CHD1L: variants seen among roughly 807,000 people sequenced by gnomAD.
The protein encoded by CHD1L is chromodomain helicase DNA binding protein 1 like.
A neutral mutation model predicts 115.9 loss-of-function variants in CHD1L; 118 were observed. That is an observed-to-expected ratio of 1.02 (90% CI 0.88 to 1.19). The LOEUF (loss-of-function observed/expected upper bound fraction) is 1.19, where lower values mean the gene tolerates loss of function less well. Ranked by LOEUF, CHD1L falls within the 50% of genes most tolerant of loss-of-function variation. CHD1L has a pLI of 0.00. For missense variants in CHD1L, 1,179 were observed against 1,065.3 expected, an observed-to-expected ratio of 1.11 and a Z score of -1.49; for synonymous variants, 411 against 387.1, an observed-to-expected ratio of 1.06 and a Z score of -0.72.
At chr1:147,179,507 G>T in the CHD1L span, 1 of 1,579,430 alleles carries the variant, frequency 6.3e-7, no homozygotes, top group African/African-American at 1.3e-5. Flanking sequence ...TAAATCCAAA[G>T]AAATATGAAG....
chr1:147,252,518 G>A, intron 1 of CHD1L, 105 bp from the exon 2 acceptor site: 1 of 822,382 alleles, frequency 1.2e-6, no homozygotes, highest in Non-Finnish European at 2.0e-6. Context: ...TGAGGTTTAG[G>A]GTTATGTGAA....
the CHD1L span, among the ~76,000 whole-genome samples, chr1:147,231,169 C>T: frequency 6.6e-6 from 1 of 152,162 alleles, no homozygotes; most frequent in African/African-American, 2.4e-5. Flanking sequence ...CCTCTACACA[C>T]TGCTTTCAGT....
At chr1:147,289,277 C>T (rs1057304158) in intron 19 of CHD1L, among the ~76,000 whole-genome samples, 3 of 151,924 alleles carry the variant, frequency 2.0e-5, no homozygotes, top group Non-Finnish European at 2.9e-5. Flanking sequence ...GAGAACAGAC[C>T]TGGAAAACAC....
intron 8 of CHD1L, 114 bp downstream of exon 8, chr1:147,266,201 T>C: frequency 9.8e-7 from 1 of 1,017,796 alleles, no homozygotes; most frequent in Non-Finnish European, 1.4e-6. Flanking sequence ...GATGGAATTT[T>C]GTATTCTGAA....
chr1:147,245,463 A>G (rs1331663951), intron 1 of CHD1L, among the ~76,000 whole-genome samples: 1 of 152,060 alleles, frequency 6.6e-6, no homozygotes. Flanking sequence ...GGAGGTAGAT[A>G]CTTCCTTGGT....
At chr1:147,223,009 T>C in the CHD1L span, among the ~76,000 whole-genome samples, 7,489 of 152,312 alleles carry the variant, frequency 0.049, 262 homozygotes, top group Non-Finnish European at 0.075. Flanking sequence ...TTGTAAGTGA[T>C]TGGCATAATT....
the CHD1L span, among the ~76,000 whole-genome samples, chr1:147,203,053 T>A: frequency 6.6e-6 from 1 of 152,162 alleles, no homozygotes; most frequent in Non-Finnish European, 1.5e-5. Flanking sequence ...CTTGCCTAAA[T>A]CTTTGAATGG....
chr1:147,284,395 C>A lies in CHD1L; in HGVS notation c.1750C>A (p.Pro584Thr), dbSNP rs1423006272. 1 of 1,602,602 alleles carries A rather than the reference C, an allele frequency of 6.2e-7. No individual in the cohort carries two copies. ...LFEGKDYSKE[P>T]SKEDRKSFEQ... ...TGAAGGTAAAGATTATTCTAAAGAGCCCAGTAAGGAAGACAGAAAATCATT... is the reference window on the plus strand; with the variant it reads ...TGAAGGTAAAGATTATTCTAAAGAGACCAGTAAGGAAGACAGAAAATCATT... The change falls in exon 16 of 23, where the codon CCC (proline) becomes ACC (threonine). Residue 584 changes from proline (P) to threonine (T), a missense_variant. Coordinates refer to ENST00000369258, the MANE Select transcript of CHD1L (RefSeq NM_004284.6).
intron 14 of CHD1L, 75 bp downstream of exon 14, chr1:147,276,332 A>ACC: frequency 7.5e-7 from 1 of 1,341,350 alleles, no homozygotes; most frequent in Non-Finnish European, 1.0e-6. Flanking sequence ...AATGAAAAGA[A>ACC]CCAGCACTCA....
intron 14 of CHD1L, 129 bp from the exon 15 acceptor site, chr1:147,279,897 A>G: frequency 1.2e-6 from 1 of 846,808 alleles, no homozygotes. Context: ...TGATGGGGAG[A>G]GCAGAAAGGC....
At chr1:147,226,878 GC>G in the CHD1L span, among the ~76,000 whole-genome samples, 1 of 151,148 alleles carries the variant, frequency 6.6e-6, no homozygotes, top group Non-Finnish European at 1.5e-5. Context: ...TGGCACTTGG[GC>G]TGGAGTGCAG....
At chr1:147,178,442 A>G in the CHD1L span, 1 of 1,611,400 alleles carries the variant, frequency 6.2e-7, no homozygotes, top group Non-Finnish European at 8.5e-7. Flanking sequence ...AGAGATGGTG[A>G]AGAAGCAGGT....
the CHD1L span, among the ~76,000 whole-genome samples, chr1:147,182,182 C>G: frequency 6.6e-6 from 1 of 152,182 alleles, no homozygotes; most frequent in Non-Finnish European, 1.5e-5. Context: ...TATAAAGACA[C>G]ATTTTGTAGT....
intron 12 of CHD1L, among the ~76,000 whole-genome samples, chr1:147,274,517 C>T (rs1000496051): frequency 7.9e-5 from 12 of 152,174 alleles, no homozygotes; most frequent in African/African-American, 2.9e-4. Flanking sequence ...TTCAGGCTTG[C>T]TTGTTTCAGC....
chr1:147,173,877 A>G, the CHD1L span, among the ~76,000 whole-genome samples: 4 of 152,218 alleles, frequency 2.6e-5, no homozygotes, highest in African/African-American at 9.7e-5. Flanking sequence ...TTCTGCATGT[A>G]CCTTATACAG....
chr1:147,173,724 A>G, the CHD1L span, among the ~76,000 whole-genome samples: 1 of 152,188 alleles, frequency 6.6e-6, no homozygotes, highest in Non-Finnish European at 1.5e-5. Context: ...GTTGGCGTCA[A>G]CTGGGAGCCT....
intron 1 of CHD1L, among the ~76,000 whole-genome samples, chr1:147,247,079 T>C (rs587616071): frequency 6.6e-6 from 1 of 152,354 alleles, no homozygotes; most frequent in African/African-American, 2.4e-5. Context: ...TTTGATGGAC[T>C]GTTTAGAAAG....
At chr1:147,256,988 A>G (rs782609972) in intron 5 of CHD1L, among the ~76,000 whole-genome samples, 1 of 152,346 alleles carries the variant, frequency 6.6e-6, no homozygotes, top group African/African-American at 2.4e-5. Flanking sequence ...ATAACCTAAA[A>G]TAGCAATCAG....
the CHD1L span, chr1:147,187,105 C>T: frequency 6.2e-6 from 10 of 1,613,998 alleles, no homozygotes; most frequent in Middle Eastern, 1.6e-4. Context: ...AGTGCAGGGT[C>T]CCAGTAATAA....
Sources: allele counts gnomAD v4.1 joint callset (sites outside exome capture counted in the v4.1 genomes callset), GRCh38; gene constraint gnomAD v4.1.1; transcripts MANE v1.5; gene names NCBI Gene and HGNC (gene_info 2026-07-23, HGNC 2026-07-21).